The following GFM2 variants were observed in gnomAD, a reference collection of about 807,000 sequenced individuals.
The protein encoded by GFM2 is GTP dependent ribosome recycling factor mitochondrial 2.
GFM2 carries 72 observed loss-of-function variants against 95.4 expected under a neutral mutation model. The observed-to-expected ratio is 0.76, with a 90% CI of 0.62 to 0.92. The LOEUF is 0.92. Among genes scored for constraint, GFM2 ranks in the 40% least tolerant of loss-of-function variants. The pLI, the probability that GFM2 is intolerant of heterozygous loss-of-function variation, is 0.00. For synonymous variants in GFM2, 276 were observed against 317.5 expected (o/e 0.87, Z 1.39); for missense variants, 825 against 924.1 (o/e 0.89, Z 1.39).
chr5:74,755,775 A>T (rs1253095909), intron 5 of GFM2, among the ~76,000 whole-genome samples: 2 of 152,200 alleles, frequency 1.3e-5, no homozygotes, highest in Admixed American at 1.3e-4. Flanking sequence ...TTGCAGCTGA[A>T]TTCCATCAGA....
rs771040120 is a variant in GFM2, at chr5:74,750,620, C to T, written c.478G>A (p.Asp160Asn). 2 of 1,613,546 alleles carry T rather than the reference C, an allele frequency of 1.2e-6. No individual in the cohort carries two copies. The highest frequency in any genetic ancestry group is 1.1e-5 in the South Asian group (1 of 91,038). ...GCATCAAATACAGCCACTGCACCAT[C>T]CAACACTCTTAGGCACCGCTCAACC... ...LEVERCLRVL[D>N]GAVAVFDASA... Residue 160 changes from aspartate (D) to asparagine (N), a missense_variant, in exon 7 of 21, where the codon GAT becomes AAT. Transcript: ENST00000296805.
chr5:74,747,959 G>T (rs187910659), intron 7 of GFM2, among the ~76,000 whole-genome samples, 179 bp from the exon 8 acceptor site: 2 of 152,230 alleles, frequency 1.3e-5, no homozygotes, highest in East Asian at 3.9e-4. Flanking sequence ...TAACACAGCC[G>T]GGAACGTGAT....
At chr5:74,750,361 A>G (rs1743630794) in intron 7 of GFM2, among the ~76,000 whole-genome samples, 1 of 152,186 alleles carries the variant, frequency 6.6e-6, no homozygotes, top group South Asian at 2.1e-4. Flanking sequence ...CTGATCTCTC[A>G]AAGTTCTTGA....
chr5:74,757,963 T>C (rs1744084990), intron 5 of GFM2, among the ~76,000 whole-genome samples: 1 of 152,092 alleles, frequency 6.6e-6, no homozygotes, highest in Non-Finnish European at 1.5e-5. Flanking sequence ...AGTTGTTTAA[T>C]GGGTATAGAA....
intron 1 of GFM2, among the ~76,000 whole-genome samples, chr5:74,766,478 T>TA (rs1744618256): frequency 6.6e-6 from 1 of 152,198 alleles, no homozygotes; most frequent in Non-Finnish European, 1.5e-5. Flanking sequence ...GTAAACCTGA[T>TA]AGTGTATTTA....
intron 16 of GFM2, 34 bp from the exon 17 acceptor site, chr5:74,730,432 G>T: frequency 6.9e-7 from 1 of 1,459,338 alleles, no homozygotes; most frequent in South Asian, 1.3e-5. Flanking sequence ...AAAGATTAAG[G>T]GTAAATTATA....
At chr5:74,723,861 G>A (rs961439808) in intron 19 of GFM2, among the ~76,000 whole-genome samples, 5 of 151,976 alleles carry the variant, frequency 3.3e-5, no homozygotes, top group African/African-American at 1.2e-4. Flanking sequence ...TACTTTCATG[G>A]CATTCACCCA....
At chr5:74,729,581 G>T (rs906528517) in intron 17 of GFM2, among the ~76,000 whole-genome samples, 1 of 151,824 alleles carries the variant, frequency 6.6e-6, no homozygotes, top group East Asian at 1.9e-4. Flanking sequence ...ATTTGCTCCT[G>T]TATTCTGCTT....
intron 5 of GFM2, among the ~76,000 whole-genome samples, chr5:74,756,967 G>A (rs1744019442): frequency 6.6e-6 from 1 of 152,108 alleles, no homozygotes; most frequent in East Asian, 1.9e-4. Flanking sequence ...ATTGGGTACA[G>A]TGTACACTAC....
rs1343101961 is a variant in GFM2 at position 74,722,510 on chromosome 5, C to T, written c.2080G>A (p.Val694Ile). ...QVLEPLMNLE[V>I]TVARDYLSPV... ...CTGAGATAATCTCTAGCTACTGTAA[C>T]CTCAAGATTCATCAGAGGCTCCAAA... is the stretch of plus-strand genomic sequence containing the variant. The change falls in exon 20 of 21, where the codon GTT becomes ATT. Residue 694 changes from valine to isoleucine, a missense_variant. Transcript: ENST00000296805. 1.2e-6 allele frequency: 2 copies of T among 1,613,902 alleles called. No individual in the cohort carries two copies. The highest frequency in any genetic ancestry group is 1.7e-5 in the Admixed American group (1 of 59,988).
In GFM2 at chr5:74,725,860, A is replaced by C. The variant is rs1385841838; in HGVS notation, c.1912+81T>G. ...GAAAACACTAACAAAGTTAGGAAAA[A>C]GACTGAAATAATCTGTAATATAAGG... On this transcript the variant is annotated intron_variant, in intron 18 of 20. Coordinates refer to ENST00000296805, the MANE Select transcript of GFM2 (RefSeq NM_032380.5). 9.5e-6 allele frequency: 14 copies of C among 1,473,888 alleles called. No homozygotes were observed. The East Asian group carries it at 3.2e-4, about 33-fold the overall frequency. The allele number at this position is 1,473,888 out of a possible 1,614,324, so 91.3% of individuals were successfully genotyped here.
chr5:74,731,724 G>A (rs1021834186), intron 16 of GFM2, among the ~76,000 whole-genome samples: 1 of 152,130 alleles, frequency 6.6e-6, no homozygotes, highest in African/African-American at 2.4e-5. Flanking sequence ...CTTGTTTATA[G>A]GTATCTGTAC....
chr5:74,743,549 T>C (rs1452440683), intron 10 of GFM2, among the ~76,000 whole-genome samples: 1 of 152,224 alleles, frequency 6.6e-6, no homozygotes. Context: ...CTGAGATTTC[T>C]GTCACATACT....
Position 74,748,938 on chromosome 5 carries a change from AAAAATAAAATAAAAT to A in GFM2, c.520-1173_520-1159del, listed in dbSNP as rs201633956. On this transcript the variant is annotated intron_variant, in intron 7 of 20. Coordinates refer to ENST00000296805, the MANE Select transcript of GFM2 (RefSeq NM_032380.5). Reference sequence around the variant, plus strand: ...AAAATAAAAAAAAATAAAAAAAATAAAAAATAAAATAAAATAAAATAAAATAAAGAAACTTCCAAA... The same window carrying A: ...AAAATAAAAAAAAATAAAAAAAATAAAAAATAAAATAAAGAAACTTCCAAA... Among the ~76,000 whole-genome samples, 546 of 147,530 alleles carry A rather than the reference AAAAATAAAATAAAAT, an allele frequency of 3.7e-3. 4 individuals carry two copies. The highest frequency in any genetic ancestry group is 0.012 in the African/African-American group (497 of 40,234).
At chr5:74,763,097 G>A (rs1255025613) in intron 2 of GFM2, among the ~76,000 whole-genome samples, 1 of 152,190 alleles carries the variant, frequency 6.6e-6, no homozygotes, top group African/African-American at 2.4e-5. Flanking sequence ...TAAGTATACT[G>A]AAGATGTGAT....
intron 17 of GFM2, among the ~76,000 whole-genome samples, chr5:74,728,748 CTTTTTT>C (rs57180600): frequency 0.022 from 1,269 of 58,080 alleles, 11 homozygotes; most frequent in African/African-American, 0.075. Flanking sequence ...GTGGGGGTTT[CTTTTTT>C]TTTTTTTTTT....
rs1742929454 is a variant in GFM2 at position 74,738,247 on chromosome 5, T to C, written c.1320+71A>G. ...ATTTGGATTGTTTATGGGTTTTTGA[T>C]ATTACAAGTTGCTTACTTGTAATTA... On this transcript the variant is annotated intron_variant, in intron 14 of 20. Coordinates refer to ENST00000296805, the MANE Select transcript of GFM2 (RefSeq NM_032380.5). The C allele has an allele frequency of 3.0e-5, 33 of 1,116,208 alleles. 1 individual carries two copies. The South Asian group carries it at 4.5e-4, about 15-fold the overall frequency. The allele number at this position is 1,116,208 out of a possible 1,614,324, so 69.1% of individuals were successfully genotyped here.
chr5:74,737,134 A>T, intron 14 of GFM2, 149 bp from the exon 15 acceptor site: 4 of 692,372 alleles, frequency 5.8e-6, no homozygotes, highest in Non-Finnish European at 9.5e-6. Context: ...GCTCATTAAT[A>T]ACTTTGCATA....
At chr5:74,728,725 T>C (rs1385816363) in intron 17 of GFM2, among the ~76,000 whole-genome samples, 2 of 150,912 alleles carry the variant, frequency 1.3e-5, no homozygotes, top group East Asian at 3.9e-4. Flanking sequence ...TATGAGTTAA[T>C]ATTCTTTTAT....
Sources: allele counts gnomAD v4.1 joint callset (sites outside exome capture counted in the v4.1 genomes callset), GRCh38; gene constraint gnomAD v4.1.1; transcripts MANE v1.5; gene names NCBI Gene and HGNC (gene_info 2026-07-23, HGNC 2026-07-21).